Variants in ESCO2 observed in about 807,000 individuals in gnomAD.
The protein encoded by ESCO2 is N-acetyltransferase ESCO2.
ESCO2 carries 51 observed loss-of-function variants against 61.7 expected under a neutral mutation model. That is an observed-to-expected ratio of 0.83 (90% CI 0.66 to 1.04). ESCO2 has a LOEUF of 1.04. ESCO2 is among the 50% of genes least tolerant of loss of function. The probability of loss-of-function intolerance (pLI) is 0.00; values close to 1 mark genes in which losing one functional copy is unlikely to be tolerated. For missense variants in ESCO2, 692 were observed against 686.2 expected (o/e 1.01, Z -0.09); for synonymous variants, 230 against 238.2 (o/e 0.97, Z 0.32).
chr8:27,804,427 C>CA lies in ESCO2; in HGVS notation c.*993dup. ...ACCTTACTTGTTCTGAGATACCTGGCAAAAGTCTTTACAAAATGTATGGTA... is the reference window on the plus strand; with the variant it reads ...ACCTTACTTGTTCTGAGATACCTGGCAAAAAGTCTTTACAAAATGTATGGTA... On this transcript the variant is annotated 3_prime_UTR_variant, in exon 11 of 11. Transcript: ENST00000305188. 1.0e-6 allele frequency: 1 copy of CA among 985,256 alleles called. No individual in the cohort carries two copies. Among genetic ancestry groups the CA allele is most frequent in the Non-Finnish European group, 1.2e-6 (1 of 829,884 alleles). 61.0% of individuals were successfully genotyped at this position (985,256 alleles called of 1,614,324 possible). A position where few individuals can be genotyped will look rare whatever the true frequency, so the allele number is the denominator to read the frequency against.
rs111395487 is a variant in ESCO2 at position 27,803,904 on chromosome 8, A to ATT, written c.*480_*481dup. On this transcript the variant is annotated 3_prime_UTR_variant, in exon 11 of 11. Transcript: ENST00000305188. ...CCCAATTTGTAAAGGGAATTCCTGA[A>ATT]TTTTTTTTTTTTTTTAATAGAGGCA... 204 of 898,014 alleles carry ATT rather than the reference A, an allele frequency of 2.3e-4. No individual in the cohort carries two copies. Among genetic ancestry groups the ATT allele is most frequent in the Middle Eastern group, 1.1e-3 (2 of 1,784 alleles). 55.6% of individuals were successfully genotyped at this position (898,014 alleles called of 1,614,324 possible).
chr8:27,799,605 C>T lies in ESCO2; in HGVS notation c.1562C>T (p.Ala521Val). The change falls in exon 10 of 11, where the codon GCT (alanine) becomes GTT (valine). Residue 521 changes from alanine (A) to valine (V), a missense_variant. By Grantham distance (64) the Ala-to-Val change is moderately conservative (BLOSUM62 0). Transcript: ENST00000305188. Reference protein sequence around the residue: ...ESPSSTECPRAWQCSDVPEPA... With the variant: ...ESPSSTECPRVWQCSDVPEPA... ...CCAAGCTCTACGGAATGTCCTAGGGCTTGGCAATGTTCAGATGTACCAGAA... is the reference window on the plus strand; with the variant it reads ...CCAAGCTCTACGGAATGTCCTAGGGTTTGGCAATGTTCAGATGTACCAGAA... 6.2e-7 allele frequency: 1 copy of T among 1,613,824 alleles called. No homozygotes were observed. Among genetic ancestry groups the T allele is most frequent in the Non-Finnish European group, 8.5e-7 (1 of 1,179,988 alleles).
At position 27,799,718 on chromosome 8, in the gene ESCO2, T is replaced by C; in HGVS notation, c.1673+2T>C. The C allele has an allele frequency of 6.2e-7, 1 of 1,613,648 alleles. No homozygotes were observed. The highest frequency in any genetic ancestry group is 8.5e-7 in the Non-Finnish European group (1 of 1,179,908). On this transcript the variant is annotated splice_donor_variant, in intron 10 of 10. Coordinates refer to ENST00000305188, the MANE Select transcript of ESCO2 (RefSeq NM_001017420.3). LOFTEE classifies it high-confidence loss of function. ...AAGACGACTGGTTGATACCCTCAGGTAAGAAATAAAATGGATCTAGATCCA... is the reference window on the plus strand; with the variant it reads ...AAGACGACTGGTTGATACCCTCAGGCAAGAAATAAAATGGATCTAGATCCA...
chr8:27,787,417 G>T (rs79515348), intron 5 of ESCO2, among the ~76,000 whole-genome samples: 2 of 113,062 alleles, frequency 1.8e-5, no homozygotes, highest in Non-Finnish European at 3.9e-5. Flanking sequence ...TTGCCCAGGT[G>T]CTGGGTCATA....
rs201608468 is a variant in ESCO2 at position 27,776,974 on chromosome 8, G to A, written c.666G>A (p.Ser222=). Residue 222 remains serine, a synonymous_variant, in exon 3 of 11, where the codon TCG becomes TCA. Transcript: ENST00000305188. ...FVRKKSSLRK[S]SLENEPSLGR... ...GAAAAAAATCTTCTCTTAGAAAATC[G>A]TCCCTGGAAAATGAGCCGTCACTGG... 9.9e-6 allele frequency: 16 copies of A among 1,613,066 alleles called. No homozygotes were observed. The highest frequency in any genetic ancestry group is 4.5e-5 in the East Asian group (2 of 44,868).
intron 1 of ESCO2, chr8:27,774,878 C>T (rs569601373): frequency 6.6e-6 from 1 of 152,648 alleles, no homozygotes; most frequent in East Asian, 1.9e-4. Context: ...GGGACGCTTT[C>T]CTCTCCTACC....
intron 9 of ESCO2, among the ~76,000 whole-genome samples, chr8:27,794,985 A>G (rs188149076): frequency 2.1e-3 from 323 of 152,160 alleles, no homozygotes; most frequent in African/African-American, 3.9e-3. Context: ...TCTTTGGTCT[A>G]GATTGCTTTG....
At chr8:27,805,311 AAAAAAAG>A (rs1805542960) in exon 11 of ESCO2, 2 of 106,816 alleles carry the variant, frequency 1.9e-5, no homozygotes, top group South Asian at 6.6e-4. Context: ...AAAAAAAAAA[AAAAAAAG>A]AAGAGGCTTC....
At chr8:27,799,978 CA>C (rs1167073932) in intron 10 of ESCO2, among the ~76,000 whole-genome samples, 1 of 150,596 alleles carries the variant, frequency 6.6e-6, no homozygotes, top group African/African-American at 2.4e-5. Flanking sequence ...TGTCACAGAC[CA>C]ACACTAATAA....
chr8:27,793,615 T>G (rs888685697), intron 9 of ESCO2, among the ~76,000 whole-genome samples: 1 of 151,818 alleles, frequency 6.6e-6, no homozygotes, highest in African/African-American at 2.4e-5. Flanking sequence ...GCCTCCCAAG[T>G]AGCTGGGACT....
chr8:27,791,629 C>G (rs1027277213), intron 7 of ESCO2, among the ~76,000 whole-genome samples: 1 of 152,136 alleles, frequency 6.6e-6, no homozygotes, highest in Non-Finnish European at 1.5e-5. Flanking sequence ...CCCCTACCTG[C>G]CCACTGGTCT....
intron 6 of ESCO2, 131 bp from the exon 7 acceptor site, chr8:27,788,716 A>T: frequency 9.0e-7 from 1 of 1,105,044 alleles, no homozygotes; most frequent in Non-Finnish European, 1.3e-6. Flanking sequence ...CCAGATTTTC[A>T]TTTAGTTTTT....
chr8:27,808,483 G>A (rs1454687230), downstream of ESCO2: 1 of 154,528 alleles, frequency 6.5e-6, no homozygotes, highest in Admixed American at 6.6e-5. Flanking sequence ...AGAGCAGCCT[G>A]AGCAACTTGG....
At position 27,792,710 on chromosome 8, in the gene ESCO2, C is replaced by T. The variant is rs942479447; in HGVS notation, c.1396C>T (p.Gln466Ter). ...QELVDNELGF[Q>*]QVVPKCPNKI... ...ACTTGTTGATAATGAATTGGGCTTC[C>T]AGCAAGTTGTTCCTAAATGTCCAAA... The change falls in exon 9 of 11, where the codon CAG (glutamine) becomes TAG (stop). Residue 466 changes from glutamine (Q) to a stop codon, truncating the protein, a stop_gained. Coordinates refer to ENST00000305188, the MANE Select transcript of ESCO2 (RefSeq NM_001017420.3). LOFTEE classifies it high-confidence loss of function. The T allele has an allele frequency of 6.2e-7, 1 of 1,612,518 alleles. No homozygotes were observed. The highest frequency in any genetic ancestry group is 1.3e-5 in the African/African-American group (1 of 74,870).
At chr8:27,787,777 A>G in intron 5 of ESCO2, 108 bp from the exon 6 acceptor site, 1 of 796,606 alleles carries the variant, frequency 1.3e-6, no homozygotes, top group Non-Finnish European at 2.2e-6. Context: ...AGTTAATGTC[A>G]GATAGAAAGC....
the ESCO2 span, among the ~76,000 whole-genome samples, chr8:27,817,908 A>G: frequency 6.6e-6 from 1 of 152,196 alleles, no homozygotes; most frequent in African/African-American, 2.4e-5. Context: ...GCATTGTCCA[A>G]TGTGGTAACC....
intron 4 of ESCO2, among the ~76,000 whole-genome samples, chr8:27,780,880 A>G (rs1460224): frequency 0.15 from 23,476 of 152,122 alleles, 2,285 homozygotes; most frequent in East Asian, 0.37. Flanking sequence ...ATTCTGAGAT[A>G]TGATGTTAAT....
chr8:27,778,822 A>C (rs1377948375), intron 3 of ESCO2: 1 of 152,172 alleles, frequency 6.6e-6, no homozygotes, highest in Non-Finnish European at 1.5e-5. Flanking sequence ...GCTTTTGTGC[A>C]TTTTAAATTT....
chr8:27,805,958 C>T (rs1805554999), downstream of ESCO2, among the ~76,000 whole-genome samples: 1 of 152,050 alleles, frequency 6.6e-6, no homozygotes, highest in African/African-American at 2.4e-5. Context: ...TACCTTCTTC[C>T]ACAAAAGGAC....
Sources: gnomAD v4.1 joint callset for allele counts (sites outside exome capture counted in the v4.1 genomes callset) on GRCh38, gnomAD v4.1.1 for gene constraint, MANE v1.5 for transcripts, NCBI Gene and HGNC (gene_info 2026-07-23, HGNC 2026-07-21) for gene names.